CNTLN: variants seen among roughly 807,000 people sequenced by gnomAD.
CNTLN encodes the protein centlein, centrosomal protein.
CNTLN carries 212 observed loss-of-function variants against 180.0 expected under a neutral mutation model. That is an observed-to-expected ratio of 1.18 (90% CI 1.05 to 1.32). The LOEUF is 1.32. Ranked by LOEUF, CNTLN falls within the 40% of genes most tolerant of loss-of-function variation. The probability of loss-of-function intolerance (pLI) is 0.00; values close to 1 mark genes in which losing one functional copy is unlikely to be tolerated. For missense variants in CNTLN, 2,095 were observed against 1,610.9 expected, an observed-to-expected ratio of 1.30 and a Z score of -5.14; for synonymous variants, 722 against 563.1, an observed-to-expected ratio of 1.28 and a Z score of -3.99.
chr9:17,144,998 C>T (rs1043313622), intron 2 of CNTLN, among the ~76,000 whole-genome samples: 6 of 150,894 alleles, frequency 4.0e-5, no homozygotes, highest in South Asian at 2.1e-4. Flanking sequence ...CCCGCCACCG[C>T]GCCCGGCTAA....
intron 2 of CNTLN, among the ~76,000 whole-genome samples, chr9:17,170,305 T>G (rs1305068010): frequency 6.6e-6 from 1 of 152,178 alleles, no homozygotes; most frequent in Non-Finnish European, 1.5e-5. Context: ...TCTTTAATTT[T>G]CTTTATATAA....
intron 2 of CNTLN, among the ~76,000 whole-genome samples, chr9:17,155,263 G>A (rs1384791150): frequency 1.3e-5 from 2 of 152,194 alleles, no homozygotes; most frequent in Non-Finnish European, 2.9e-5. Flanking sequence ...CCACTAGAAG[G>A]AACCAATTCC....
chr9:17,214,567 C>T (rs1435556667), intron 2 of CNTLN, among the ~76,000 whole-genome samples: 3 of 152,028 alleles, frequency 2.0e-5, no homozygotes, highest in East Asian at 1.9e-4. Context: ...ATCTTTGTGG[C>T]GTTCTCTGTA....
intron 5 of CNTLN, among the ~76,000 whole-genome samples, chr9:17,256,748 T>C (rs542465429): frequency 6.6e-6 from 1 of 151,924 alleles, no homozygotes; most frequent in South Asian, 2.1e-4. Context: ...TTACTTTTCT[T>C]GTACAACTCA....
rs36042171 is a variant in CNTLN at position 17,182,423 on chromosome 9, C to CT, written c.449+39053dup. ...GTCCCAAGGTCTCTAGTCAATCTGCCTTTTTTCCCCCACTTCAGAGTTTTC... is the reference window on the plus strand; with the variant it reads ...GTCCCAAGGTCTCTAGTCAATCTGCCTTTTTTTCCCCCACTTCAGAGTTTTC... On this transcript the variant is annotated intron_variant, in intron 2 of 25. Coordinates refer to ENST00000380647, the MANE Select transcript of CNTLN (RefSeq NM_017738.4). Among the ~76,000 whole-genome samples, 804 of 152,136 alleles carry CT rather than the reference C, an allele frequency of 5.3e-3. 5 individuals are homozygous for CT. The highest frequency in any genetic ancestry group is 0.019 in the African/African-American group (774 of 41,500).
chr9:17,262,740 AT>A (rs1827094122), intron 5 of CNTLN, among the ~76,000 whole-genome samples: 3 of 151,488 alleles, frequency 2.0e-5, no homozygotes, highest in African/African-American at 7.4e-5. Context: ...CTTAAAAAAA[AT>A]AAAATAAAGA....
chr9:17,295,445 C>T (rs1742214605), intron 6 of CNTLN, among the ~76,000 whole-genome samples: 1 of 152,180 alleles, frequency 6.6e-6, no homozygotes, highest in African/African-American at 2.4e-5. Context: ...GCTCGCATTA[C>T]TCTGTGTGGC....
chr9:17,433,130 G>A (rs1264540109), intron 18 of CNTLN, among the ~76,000 whole-genome samples: 1 of 151,564 alleles, frequency 6.6e-6, no homozygotes. Flanking sequence ...TTTGATTAGA[G>A]TAAAAGTGAT....
chr9:17,163,355 C>A (rs889747899), intron 2 of CNTLN, among the ~76,000 whole-genome samples: 1 of 152,124 alleles, frequency 6.6e-6, no homozygotes, highest in African/African-American at 2.4e-5. Context: ...TTATGCTCTT[C>A]CCCCCATTTT....
rs775094141 is a variant in CNTLN, at chr9:17,457,604, A to G, written c.3195A>G (p.Thr1065=). 9 of 1,567,916 alleles carry G rather than the reference A, an allele frequency of 5.7e-6. No individual in the cohort carries two copies. Among genetic ancestry groups the G allele is most frequent in the Non-Finnish European group, 6.1e-6 (7 of 1,155,060 alleles). The stretch of plus-strand genomic sequence containing the variant: ...AATTGGAGTCCTCATCTGAAATCAC[A>G]AGTTTGGCAGAAGAAAATTCCCAGG... ...LKKLESSSEI[T]SLAEENSQVT... The change falls in exon 19 of 26, where the codon ACA becomes ACG. Residue 1065 remains threonine, a synonymous_variant. Coordinates refer to ENST00000380647, the MANE Select transcript of CNTLN (RefSeq NM_017738.4).
At position 17,271,151 on chromosome 9, in the gene CNTLN, C is replaced by T. The variant is rs556681405; in HGVS notation, c.850-2582C>T. Among the ~76,000 whole-genome samples, 9 of 152,106 alleles carry T rather than the reference C, an allele frequency of 5.9e-5. No homozygotes were observed. In the South Asian group the frequency reaches 1.7e-3, roughly 28 times the overall value. ...GTTTTTAGTAGAGATGGGGTTTCAC[C>T]ATGTTAGCCTCGATCTCCTGACCTC... is the stretch of plus-strand genomic sequence containing the variant. On this transcript the variant is annotated intron_variant, in intron 5 of 25. Coordinates refer to ENST00000380647, the MANE Select transcript of CNTLN (RefSeq NM_017738.4).
chr9:17,334,221 G>A (rs540624861), intron 10 of CNTLN, among the ~76,000 whole-genome samples: 2 of 152,102 alleles, frequency 1.3e-5, no homozygotes, highest in East Asian at 1.9e-4. Flanking sequence ...CACCACTCCT[G>A]GCTAATTTTT....
At chr9:17,207,823 C>G (rs373592635) in intron 2 of CNTLN, among the ~76,000 whole-genome samples, 5 of 152,242 alleles carry the variant, frequency 3.3e-5, no homozygotes, top group African/African-American at 1.2e-4. Context: ...GACTTTTTAT[C>G]ATGCAACTTT....
chr9:17,329,053 T>C (rs1820479085), intron 8 of CNTLN, among the ~76,000 whole-genome samples: 1 of 152,064 alleles, frequency 6.6e-6, no homozygotes, highest in African/African-American at 2.4e-5. Flanking sequence ...TTATAATCCA[T>C]TGATGACTTA....
intron 2 of CNTLN, among the ~76,000 whole-genome samples, chr9:17,148,128 G>A (rs1420663724): frequency 6.6e-6 from 1 of 152,132 alleles, no homozygotes; most frequent in Non-Finnish European, 1.5e-5. Flanking sequence ...CACTCACCTT[G>A]AACAGTTATC....
Position 17,266,616 on chromosome 9 carries a change from C to G in CNTLN, c.850-7117C>G, listed in dbSNP as rs144909251. On this transcript the variant is annotated intron_variant, in intron 5 of 25. Coordinates refer to ENST00000380647, the MANE Select transcript of CNTLN (RefSeq NM_017738.4). ...CTTGTTAACTTTCTGTCTCGTTGAT[C>G]TGTTTAGTGTTGACGGTGGGATGTT... is the stretch of plus-strand genomic sequence containing the variant. 5.0e-3 allele frequency among the ~76,000 whole-genome samples: 766 copies of G among 152,200 alleles called. 4 individuals carry two copies. The highest frequency in any genetic ancestry group is 0.017 in the African/African-American group (712 of 41,516).
chr9:17,206,722 G>A (rs762543585), intron 2 of CNTLN, among the ~76,000 whole-genome samples: 9 of 152,202 alleles, frequency 5.9e-5, no homozygotes, highest in Non-Finnish European at 1.2e-4. Flanking sequence ...ACCACAAACA[G>A]TGGTCACCAA....
At chr9:17,178,683 G>A (rs2779763) in intron 2 of CNTLN, among the ~76,000 whole-genome samples, 29,606 of 139,592 alleles carry the variant, frequency 0.21, 3,110 homozygotes, top group African/African-American at 0.31. Context: ...TCCAAGTGCG[G>A]GGACCACCGA....
chr9:17,372,087 G>A (rs112748374), intron 13 of CNTLN, among the ~76,000 whole-genome samples: 1,733 of 151,816 alleles, frequency 0.011, 37 homozygotes, highest in African/African-American at 0.039. Context: ...CCCAAAATTA[G>A]TAAAAGAAAA....
Sources: gnomAD v4.1 joint callset for allele counts (sites outside exome capture counted in the v4.1 genomes callset) on GRCh38, gnomAD v4.1.1 for gene constraint, MANE v1.5 for transcripts, NCBI Gene and HGNC (gene_info 2026-07-23, HGNC 2026-07-21) for gene names.